The following GDPD5 variants were observed in gnomAD, a reference collection of about 807,000 sequenced individuals.
GDPD5 encodes glycerophosphodiester phosphodiesterase 2.
A neutral mutation model predicts 75.1 loss-of-function variants in GDPD5; 48 were observed. That is an observed-to-expected ratio of 0.64 (90% CI 0.51 to 0.81). The LOEUF (loss-of-function observed/expected upper bound fraction) is 0.81. Among genes scored for constraint, GDPD5 ranks in the 40% least tolerant of loss-of-function variants. The pLI is 0.00. For missense variants in GDPD5, 706 were observed against 822.6 expected (o/e 0.86, Z 1.73); for synonymous variants, 336 against 339.0 (o/e 0.99, Z 0.10).
intron 6 of GDPD5, among the ~76,000 whole-genome samples, chr11:75,454,759 G>T (rs753076721): frequency 1.9e-4 from 29 of 152,198 alleles, no homozygotes; most frequent in Non-Finnish European, 1.0e-4. Flanking sequence ...ATGTACATGT[G>T]CATGTGCTTA....
intron 1 of GDPD5, chr11:75,506,871 CAA>C (rs1950409851): frequency 6.6e-6 from 1 of 152,286 alleles, no homozygotes; most frequent in African/African-American, 2.4e-5. Flanking sequence ...AAGATGCCAA[CAA>C]AGACGGAATG....
chr11:75,498,081 T>C (rs758255658), intron 1 of GDPD5, among the ~76,000 whole-genome samples: 145 of 140,350 alleles, frequency 1.0e-3, no homozygotes, highest in Non-Finnish European at 1.7e-3. Context: ...TCATGGTCTG[T>C]TGTGGGGGGC....
intron 6 of GDPD5, chr11:75,455,198 C>A: frequency 2.3e-6 from 1 of 427,506 alleles, no homozygotes; most frequent in South Asian, 1.7e-5. Flanking sequence ...GCATGTGTGA[C>A]CTTACCTGCT....
At chr11:75,445,788 A>G (rs1462214219) in intron 9 of GDPD5, among the ~76,000 whole-genome samples, 1 of 152,230 alleles carries the variant, frequency 6.6e-6, no homozygotes, top group Non-Finnish European at 1.5e-5. Flanking sequence ...CGGACTAAAA[A>G]GGTGCAATTT....
intron 2 of GDPD5, among the ~76,000 whole-genome samples, chr11:75,484,143 G>A (rs549644868): frequency 6.6e-6 from 1 of 152,312 alleles, no homozygotes; most frequent in East Asian, 1.9e-4. Flanking sequence ...AGCTGAGATG[G>A]CGCCACTGCA....
At chr11:75,464,197 C>G (rs1038203304) in intron 3 of GDPD5, among the ~76,000 whole-genome samples, 2 of 152,186 alleles carry the variant, frequency 1.3e-5, no homozygotes, top group African/African-American at 4.8e-5. Flanking sequence ...ATCAGTCTGC[C>G]CAGGAACCTC....
At chr11:75,439,987 C>A (rs779074986) in intron 14 of GDPD5, 26 bp from the exon 15 acceptor site, 1 of 1,588,042 alleles carries the variant, frequency 6.3e-7, no homozygotes, top group African/African-American at 1.3e-5. Flanking sequence ...CCGAGGCCAA[C>A]TTCCAGTCAT....
rs518611 is a variant in GDPD5, at chr11:75,449,530, G to A, written c.555C>T (p.Arg185=). ...AGTTCTACTCACAGGTCCGCTCTGC[G>A]CGGGCGAACTGTCCTGCCACGATCC... is the stretch of plus-strand genomic sequence containing the variant. ...LSWIVAGQFA[R]AERTSSQVTI... The change falls in exon 8 of 17, where the codon CGC becomes CGT. Residue 185 remains arginine, a synonymous_variant. Coordinates refer to ENST00000336898, the MANE Select transcript of GDPD5 (RefSeq NM_030792.8). The A allele has an allele frequency of 0.61, 965,839 of 1,574,500 alleles. 303,091 individuals carry two copies. Among genetic ancestry groups the A allele is most frequent in the East Asian group, 0.79 (34,288 of 43,226 alleles).
intron 4 of GDPD5, among the ~76,000 whole-genome samples, chr11:75,460,318 CAG>C (rs2135284445): frequency 6.6e-6 from 1 of 151,628 alleles, no homozygotes; most frequent in Non-Finnish European, 1.5e-5. Context: ...TTTTTTGAGA[CAG>C]AGTCTCACTC....
intron 13 of GDPD5, 109 bp downstream of exon 13, chr11:75,441,537 C>A: frequency 2.5e-6 from 3 of 1,214,258 alleles, no homozygotes; most frequent in East Asian, 2.6e-5. Flanking sequence ...CATCCCTCTG[C>A]CCGACCGTGT....
chr11:75,504,010 T>A (rs531159227), intron 1 of GDPD5, among the ~76,000 whole-genome samples: 10 of 152,344 alleles, frequency 6.6e-5, no homozygotes, highest in African/African-American at 2.4e-4. Flanking sequence ...CCAAGTTTAA[T>A]CCTGGCATGG....
intron 1 of GDPD5, among the ~76,000 whole-genome samples, chr11:75,493,626 G>C (rs1950154555): frequency 6.6e-6 from 1 of 152,152 alleles, no homozygotes; most frequent in Non-Finnish European, 1.5e-5. Flanking sequence ...GAAGGTCTAT[G>C]GGTCGTGTTG....
At position 75,456,803 on chromosome 11, in the gene GDPD5, C is replaced by T. The variant is rs769510217; in HGVS notation, c.329G>A (p.Cys110Tyr). ...YIAGLLVLAL[C>Y]HIAVGQQMNL... ...CATCTGCTGCCCCACGGCAATGTGA[C>T]ATAGTGCCAGGACCTGAGGAGGGAC... The change falls in exon 6 of 17, where the codon TGT (cysteine) becomes TAT (tyrosine). Residue 110 changes from cysteine (C) to tyrosine (Y), a missense_variant. Coordinates refer to ENST00000336898, the MANE Select transcript of GDPD5 (RefSeq NM_030792.8). 1.9e-6 allele frequency: 3 copies of T among 1,614,256 alleles called. 1 individual carries two copies. The South Asian group carries it at 3.3e-5, about 18-fold the overall frequency.
At chr11:75,481,586 G>C (rs1329685087) in intron 2 of GDPD5, among the ~76,000 whole-genome samples, 3 of 152,058 alleles carry the variant, frequency 2.0e-5, no homozygotes, top group African/African-American at 7.2e-5. Context: ...GTGGGGGTTG[G>C]TGTAGGGTGC....
chr11:75,450,497 G>A (rs547934716), intron 6 of GDPD5: 2 of 159,528 alleles, frequency 1.3e-5, no homozygotes, highest in African/African-American at 4.8e-5. Context: ...TGGGCTCACA[G>A]TGGCACTTCA....
At chr11:75,444,375 G>A (rs1184097871) in intron 10 of GDPD5, 38 bp downstream of exon 10, 5 of 1,472,846 alleles carry the variant, frequency 3.4e-6, no homozygotes, top group African/African-American at 2.8e-5. Flanking sequence ...AAGCGTGTGG[G>A]AGGGGTAGAG....
At chr11:75,456,598 T>G in intron 6 of GDPD5, 159 bp downstream of exon 6, 1 of 651,606 alleles carries the variant, frequency 1.5e-6, no homozygotes, top group Non-Finnish European at 2.8e-6. Context: ...GGTGAGGTTG[T>G]GAGAAAAGTG....
rs560823039 is a variant in GDPD5 at position 75,476,647 on chromosome 11, C to G, written c.117+972G>C. ...TTTGCCTCAGTTTGGCCACTTGGCT[C>G]CTCTGTGGCCGGGAGTGGGGAGATG... is the stretch of plus-strand genomic sequence containing the variant. On this transcript the variant is annotated intron_variant, in intron 3 of 16. Transcript: ENST00000336898. Among the ~76,000 whole-genome samples, 183 of 152,284 alleles carry G rather than the reference C, an allele frequency of 1.2e-3. 1 individual carries two copies. Among genetic ancestry groups the G allele is most frequent in the African/African-American group, 4.4e-3 (182 of 41,566 alleles).
Position 75,442,399 on chromosome 11 carries a change from C to T in GDPD5, c.1131G>A (p.Leu377=), listed in dbSNP as rs1251186734. ...GGAAGCCGGAGTGCAGCACGGCCTC[C>T]AGAGTCACGTTGATAAAACTGCTGC... ...PYRSSFINVT[L]EAVLHSGFPQ... The change falls in exon 12 of 17, where the codon CTG becomes CTA. Residue 377 remains leucine (L), a synonymous_variant. Coordinates refer to ENST00000336898, the MANE Select transcript of GDPD5 (RefSeq NM_030792.8). The T allele has an allele frequency of 5.7e-6, 9 of 1,588,734 alleles. No individual in the cohort carries two copies. The East Asian group carries it at 1.9e-4, about 33-fold the overall frequency.
Sources: gnomAD v4.1 joint callset for allele counts (sites outside exome capture counted in the v4.1 genomes callset) on GRCh38, gnomAD v4.1.1 for gene constraint, MANE v1.5 for transcripts, NCBI Gene and HGNC (gene_info 2026-07-23, HGNC 2026-07-21) for gene names.